Variants in ST7 observed in about 807,000 individuals in gnomAD.
ST7 encodes suppression of tumorigenicity 7, also known as suppressor of tumorigenicity 7 protein.
Under a neutral mutation model 78.7 loss-of-function variants are expected in ST7, and 28 were observed. The ratio of observed to expected loss-of-function variants is 0.36; its 90% CI spans 0.26 to 0.49. The LOEUF (loss-of-function observed/expected upper bound fraction) is 0.49, where lower values mean the gene tolerates loss of function less well. ST7 is among the 20% of genes least tolerant of loss of function. The pLI is 0.99. For missense variants in ST7, 418 were observed against 696.0 expected, an observed-to-expected ratio of 0.60 and a Z score of 4.49; for synonymous variants, 247 against 249.6, an observed-to-expected ratio of 0.99 and a Z score of 0.10.
At chr7:117,204,735 A>T (rs1040179838) in intron 12 of ST7, among the ~76,000 whole-genome samples, 2 of 152,208 alleles carry the variant, frequency 1.3e-5, no homozygotes, top group Non-Finnish European at 2.9e-5. Flanking sequence ...CCATTTTATC[A>T]GAGCCAGTTG....
chr7:117,054,788 G>A (rs951511473), intron 1 of ST7, among the ~76,000 whole-genome samples: 5 of 152,172 alleles, frequency 3.3e-5, no homozygotes, highest in Admixed American at 1.3e-4. Context: ...TGAACTCTCT[G>A]CTGGACATGC....
intron 1 of ST7, among the ~76,000 whole-genome samples, chr7:117,022,585 C>T (rs1795979989): frequency 6.6e-6 from 1 of 152,112 alleles, no homozygotes; most frequent in Non-Finnish European, 1.5e-5. Context: ...TTAAAATATT[C>T]AGGAAAATAG....
chr7:117,002,813 C>CTTTTTTTTTTTTTT (rs397970060), intron 1 of ST7, among the ~76,000 whole-genome samples: 1 of 72,148 alleles, frequency 1.4e-5, no homozygotes. Context: ...ATTTTTTTTC[C>CTTTTTTTTTTTTTT]TTTTTTTTTT....
rs910071435 is a variant in ST7 at position 116,967,782 on chromosome 7, G to T, written c.151+14091G>T. ...TTTTAGATATTTACTTGTAGTTACTGTTGTGGCTCCTACTATAATATTGAC... is the reference window on the plus strand; with the variant it reads ...TTTTAGATATTTACTTGTAGTTACTTTTGTGGCTCCTACTATAATATTGAC... On this transcript the variant is annotated intron_variant, in intron 1 of 15. Transcript: ENST00000323984. 6.6e-5 allele frequency among the ~76,000 whole-genome samples: 10 copies of T among 152,316 alleles called. No individual in the cohort carries two copies. In the East Asian group the frequency reaches 1.9e-3, roughly 29 times the overall value.
At chr7:116,977,515 C>G (rs994969938) in intron 1 of ST7, among the ~76,000 whole-genome samples, 2 of 152,170 alleles carry the variant, frequency 1.3e-5, no homozygotes, top group African/African-American at 4.8e-5. Context: ...TGGGATCAGA[C>G]AGATCAGTCC....
rs529603990 is a variant in ST7 at position 117,195,067 on chromosome 7, C to G, written c.1254+4131C>G. ...GGCAGTATTAAATATGTCTTTTGCT[C>G]TATAGTGATATTATAAAAAACAATC... On this transcript the variant is annotated intron_variant, in intron 12 of 15. Transcript: ENST00000323984. Among the ~76,000 whole-genome samples the G allele has an allele frequency of 2.0e-5, 3 of 152,210 alleles. No individual in the cohort carries two copies. In the East Asian group the frequency reaches 5.8e-4, roughly 29 times the overall value.
chr7:117,084,823 A>T (rs914502344), intron 1 of ST7, among the ~76,000 whole-genome samples: 1 of 152,212 alleles, frequency 6.6e-6, no homozygotes, highest in African/African-American at 2.4e-5. Flanking sequence ...TAAAAGTTTT[A>T]AAAATTTCTC....
intron 1 of ST7, among the ~76,000 whole-genome samples, chr7:117,097,159 A>G (rs1454529204): frequency 3.9e-5 from 6 of 152,114 alleles, no homozygotes; most frequent in African/African-American, 1.2e-4. Flanking sequence ...GTTGCTAGGC[A>G]GTCAACAGCA....
rs1432217634 is a variant in ST7, at chr7:117,131,951, A to G, written c.632A>G (p.Glu211Gly). The change falls in exon 6 of 16, where the codon GAG becomes GGG. Residue 211 changes from glutamate (E) to glycine (G), a missense_variant. Around this residue, in one of 4 missense-constraint regions of ST7, gnomAD observed 288 missense variants for 537.1 expected, o/e 0.54. Coordinates refer to ENST00000323984, the MANE Select transcript of ST7 (RefSeq NM_001369598.1). ...ARISAAHEAL[E>G]INEIRSRVEV... ...ATTTCTGCAGCTCATGAAGCCTTGG[A>G]GATAAATGAGTAAGTGGGGGAAAAT... 8 of 1,611,296 alleles carry G rather than the reference A, an allele frequency of 5.0e-6. No homozygotes were observed. The highest frequency in any genetic ancestry group is 5.9e-6 in the Non-Finnish European group (7 of 1,178,116).
chr7:117,054,136 C>T lies in ST7; in HGVS notation c.152-45626C>T, dbSNP rs559385888. Among the ~76,000 whole-genome samples the T allele has an allele frequency of 9.2e-5, 14 of 152,292 alleles. No individual in the cohort carries two copies. In the South Asian group the frequency reaches 2.1e-3, roughly 23 times the overall value. On this transcript the variant is annotated intron_variant, in intron 1 of 15. Coordinates refer to ENST00000323984, the MANE Select transcript of ST7 (RefSeq NM_001369598.1). ...TACAGGCATGAGCCACCGTGCCCGC[C>T]GGTCTAGACAGTTTTGACCTTAGCT... is the stretch of plus-strand genomic sequence containing the variant.
chr7:117,040,669 C>T (rs906473109), intron 1 of ST7, among the ~76,000 whole-genome samples: 1 of 152,222 alleles, frequency 6.6e-6, no homozygotes, highest in African/African-American at 2.4e-5. Flanking sequence ...TTCTTTGCCA[C>T]TGGGTCTAGT....
At chr7:117,148,752 C>G (rs773823217) in intron 9 of ST7, among the ~76,000 whole-genome samples, 2 of 152,132 alleles carry the variant, frequency 1.3e-5, no homozygotes, top group African/African-American at 4.8e-5. Flanking sequence ...GCATATGGTG[C>G]CCTGCTTCCC....
chr7:117,129,894 G>T, intron 4 of ST7, 47 bp downstream of exon 4: 1 of 1,488,618 alleles, frequency 6.7e-7, no homozygotes, highest in Non-Finnish European at 9.3e-7. Flanking sequence ...GGTTCAGAGA[G>T]CAAAGACAGC....
chr7:117,104,463 T>C (rs2429013), intron 2 of ST7, among the ~76,000 whole-genome samples: 119,253 of 152,178 alleles, frequency 0.78, 47,842 homozygotes, highest in East Asian at 0.99. Context: ...AAACAAAAAC[T>C]GGGTGTAACA....
intron 1 of ST7, among the ~76,000 whole-genome samples, chr7:117,025,062 A>G (rs1470092824): frequency 1.3e-5 from 2 of 152,218 alleles, no homozygotes; most frequent in African/African-American, 4.8e-5. Context: ...ATAATACTCT[A>G]GCAATATTAA....
chr7:117,044,532 A>T (rs73210188), intron 1 of ST7, among the ~76,000 whole-genome samples: 1,903 of 152,252 alleles, frequency 0.012, 9 homozygotes, highest in South Asian at 0.025. Flanking sequence ...AATATTTTTA[A>T]TAAAGATGGG....
chr7:116,953,554 C>A lies in ST7; in HGVS notation c.14C>A (p.Ala5Asp). 7.0e-7 allele frequency: 1 copy of A among 1,435,714 alleles called. No homozygotes were observed. Among genetic ancestry groups the A allele is most frequent in the Non-Finnish European group, 9.3e-7 (1 of 1,073,840 alleles). 88.9% of individuals were successfully genotyped at this position (1,435,714 alleles called of 1,614,324 possible). The change falls in exon 1 of 16, where the codon GCC (alanine) becomes GAC (aspartate). Residue 5 changes from alanine to aspartate, a missense_variant. By Grantham distance (126) the Ala-to-Asp change is moderately radical (BLOSUM62 -2). This residue lies in a region of ST7 where 71 missense variants were observed against 61.5 expected (regional missense o/e 1.16). Coordinates refer to ENST00000323984, the MANE Select transcript of ST7 (RefSeq NM_001369598.1). MAEA[A>D]TGFLEQLKSC... Reference sequence around the variant, plus strand: ...GAGCGCTGAAACATGGCTGAAGCGGCCACGGGCTTTCTGGAGCAGCTCAAG... The same window carrying A: ...GAGCGCTGAAACATGGCTGAAGCGGACACGGGCTTTCTGGAGCAGCTCAAG...
chr7:117,199,182 T>G (rs1289248677), intron 12 of ST7: 5 of 152,112 alleles, frequency 3.3e-5, no homozygotes, highest in Admixed American at 2.0e-4. Context: ...GAAATCTCCC[T>G]TTGTGTGAGC....
intron 15 of ST7, among the ~76,000 whole-genome samples, chr7:117,228,187 C>G (rs1010355826): frequency 1.3e-5 from 2 of 152,204 alleles, no homozygotes; most frequent in East Asian, 3.9e-4. Flanking sequence ...TTTCACTTGC[C>G]TCTTTCTCAA....
Sources: allele counts gnomAD v4.1 joint callset (sites outside exome capture counted in the v4.1 genomes callset), GRCh38; gene constraint gnomAD v4.1.1; regional missense constraint gnomAD v4.1.1; transcripts MANE v1.5; gene names NCBI Gene and HGNC (gene_info 2026-07-23, HGNC 2026-07-21).